ZNF486: variants seen among roughly 807,000 people sequenced by gnomAD.
ZNF486 encodes the protein zinc finger protein 486, also known as KRAB box only protein 2.
In ZNF486, 12 loss-of-function variants were observed where a neutral mutation model predicts 12.8. The ratio of observed to expected loss-of-function variants is 0.94; its 90% CI spans 0.60 to 1.52. The LOEUF is 1.52. ZNF486 is among the 40% of genes most tolerant of loss of function. ZNF486 has a pLI of 0.00. For synonymous variants in ZNF486, 231 were observed against 184.9 expected (o/e 1.25, Z -2.02); for missense variants, 738 against 545.0 (o/e 1.35, Z -3.53).
chr19:20,187,647 G>A (rs966185239), intron 3 of ZNF486, among the ~76,000 whole-genome samples: 60 of 151,606 alleles, frequency 4.0e-4, no homozygotes, highest in African/African-American at 1.3e-3. Flanking sequence ...GACTACAGGC[G>A]CCCACCACCA....
intron 1 of ZNF486, among the ~76,000 whole-genome samples, chr19:20,178,446 T>A (rs566452121): frequency 1.7e-4 from 26 of 152,168 alleles, no homozygotes; most frequent in Non-Finnish European, 3.7e-4. Flanking sequence ...GGTTTCACTG[T>A]GTTAGTTAGA....
At chr19:20,189,624 A>T (rs1479615563) in intron 3 of ZNF486, among the ~76,000 whole-genome samples, 1 of 151,984 alleles carries the variant, frequency 6.6e-6, no homozygotes, top group Non-Finnish European at 1.5e-5. Flanking sequence ...GCTTTTTCCC[A>T]TTTGTGTAGT....
rs527330461 is a variant in ZNF486 at position 20,167,250 on chromosome 19, C to A, written c.-81C>A. The A allele has an allele frequency of 2.9e-5, 46 of 1,579,740 alleles. No individual in the cohort carries two copies. The East Asian group carries it at 1.0e-3, about 35-fold the overall frequency. The stretch of plus-strand genomic sequence containing the variant: ...CATCTGGAGCTCTAGGTCGCCTCTT[C>A]GCTACTCTGTGTCCTCTGCTCCTAG... On this transcript the variant is annotated 5_prime_UTR_variant, in exon 1 of 4. Coordinates refer to ENST00000335117, the MANE Select transcript of ZNF486 (RefSeq NM_052852.4).
chr19:20,191,627 G>A (rs572539413), intron 3 of ZNF486, among the ~76,000 whole-genome samples: 3 of 150,614 alleles, frequency 2.0e-5, no homozygotes, highest in South Asian at 4.2e-4. Context: ...AAAATTAGCC[G>A]GGCATGGTGG....
chr19:20,192,211 T>G (rs1158298173), intron 3 of ZNF486, among the ~76,000 whole-genome samples: 1 of 152,220 alleles, frequency 6.6e-6, no homozygotes, highest in African/African-American at 2.4e-5. Context: ...TCAGCCTATT[T>G]GACTCAATGC....
rs782676537 is a variant in ZNF486 at position 20,197,904 on chromosome 19, A to G, written c.1194A>G (p.Arg398=). The G allele has an allele frequency of 2.0e-5, 32 of 1,613,012 alleles. No homozygotes were observed. Among genetic ancestry groups the G allele is most frequent in the Non-Finnish European group, 2.7e-5 (32 of 1,179,604 alleles). The part of the protein sequence containing the change: ...TWSAGLHKHR[R]THTGEKPYKC... ...CTGCAGGCCTCCATAAACATAGGAG[A>G]ACTCATACTGGAGAGAAACCCTACA... Residue 398 remains arginine, a synonymous_variant, in exon 4 of 4, where the codon AGA becomes AGG. Coordinates refer to ENST00000335117, the MANE Select transcript of ZNF486 (RefSeq NM_052852.4).
chr19:20,176,762 C>A (rs782571249), intron 1 of ZNF486: 23 of 153,680 alleles, frequency 1.5e-4, no homozygotes, highest in Non-Finnish European at 2.3e-4. Context: ...TGCAGTGAGC[C>A]GAGATGGCAG....
chr19:20,172,209 G>A (rs550724935), intron 1 of ZNF486, among the ~76,000 whole-genome samples: 15 of 151,988 alleles, frequency 9.9e-5, no homozygotes, highest in Admixed American at 2.6e-4. Context: ...CTCCACGTGG[G>A]TCAGGCTGAT....
At chr19:20,195,127 C>T (rs1345116876) in intron 3 of ZNF486, among the ~76,000 whole-genome samples, 6 of 152,122 alleles carry the variant, frequency 3.9e-5, no homozygotes, top group African/African-American at 1.2e-4. Flanking sequence ...CCACCTCAGC[C>T]TCCTAAAGTG....
At chr19:20,191,708 T>G (rs1254524016) in intron 3 of ZNF486, among the ~76,000 whole-genome samples, 2 of 152,060 alleles carry the variant, frequency 1.3e-5, no homozygotes, top group Non-Finnish European at 2.9e-5. Flanking sequence ...AGGCGGAGCT[T>G]GTAGTGAGCT....
At chr19:20,193,642 C>A (rs914171690) in intron 3 of ZNF486, among the ~76,000 whole-genome samples, 1 of 151,926 alleles carries the variant, frequency 6.6e-6, no homozygotes, top group African/African-American at 2.4e-5. Context: ...GCCTGGACAA[C>A]AGAGCGAAAC....
chr19:20,184,485 G>A lies in ZNF486; in HGVS notation c.157+3G>A. 6.2e-7 allele frequency: 1 copy of A among 1,600,284 alleles called. No individual in the cohort carries two copies. The highest frequency in any genetic ancestry group is 8.5e-7 in the Non-Finnish European group (1 of 1,175,820). Reference sequence around the variant, plus strand: ...CTACAGACACCTGGTCTTCCTTGGTGAGGATAACTTAAATACATAATTCAT... The same window carrying A: ...CTACAGACACCTGGTCTTCCTTGGTAAGGATAACTTAAATACATAATTCAT... On this transcript the variant is annotated splice_donor_region_variant and intron_variant, in intron 2 of 3. Coordinates refer to ENST00000335117, the MANE Select transcript of ZNF486 (RefSeq NM_052852.4).
intron 1 of ZNF486, chr19:20,175,397 C>G (rs1330957847): frequency 7.1e-6 from 1 of 139,950 alleles, no homozygotes; most frequent in South Asian, 2.3e-4. Context: ...TTGGCAGGGT[C>G]ATAGGACAAC....
intron 1 of ZNF486, chr19:20,177,077 C>T (rs1555714942): frequency 6.6e-6 from 1 of 152,284 alleles, no homozygotes; most frequent in East Asian, 1.9e-4. Context: ...AGGCCTCACT[C>T]TCTGATGTGA....
chr19:20,187,122 T>A (rs1040686795), intron 3 of ZNF486, among the ~76,000 whole-genome samples: 7 of 151,944 alleles, frequency 4.6e-5, no homozygotes, highest in Admixed American at 6.6e-5. Flanking sequence ...ACCTCCTTGG[T>A]TTTTTTCTAA....
chr19:20,183,238 T>A (rs2089805672), intron 1 of ZNF486, among the ~76,000 whole-genome samples: 3 of 152,214 alleles, frequency 2.0e-5, no homozygotes, highest in Admixed American at 1.3e-4. Flanking sequence ...ATACTCAAGA[T>A]TTCTGTTGGG....
chr19:20,168,923 C>T (rs1174930428), intron 1 of ZNF486, among the ~76,000 whole-genome samples: 3 of 151,962 alleles, frequency 2.0e-5, no homozygotes, highest in African/African-American at 7.2e-5. Context: ...TCACTGCAAC[C>T]TCCGCCTCCG....
At chr19:20,168,548 GGA>G (rs2089610393) in intron 1 of ZNF486, among the ~76,000 whole-genome samples, 1 of 151,912 alleles carries the variant, frequency 6.6e-6, no homozygotes, top group Non-Finnish European at 1.5e-5. Flanking sequence ...CAGCTACTCG[GGA>G]GGCTGAGGCA....
intron 1 of ZNF486, among the ~76,000 whole-genome samples, chr19:20,177,536 A>G (rs2089733930): frequency 6.6e-6 from 1 of 152,092 alleles, no homozygotes; most frequent in South Asian, 2.1e-4. Flanking sequence ...TCTTAAGCAG[A>G]TGGACTATGA....
Sources: gnomAD v4.1 joint callset for allele counts (sites outside exome capture counted in the v4.1 genomes callset) on GRCh38, gnomAD v4.1.1 for gene constraint, MANE v1.5 for transcripts, NCBI Gene and HGNC (gene_info 2026-07-23, HGNC 2026-07-21) for gene names.